The following CNTD1 variants were observed in gnomAD, a reference collection of about 807,000 sequenced individuals.
CNTD1 encodes cyclin N-terminal domain-containing protein 1.
Under a neutral mutation model 36.3 loss-of-function variants are expected in CNTD1, and 17 were observed. The ratio of observed to expected loss-of-function variants is 0.47; its 90% confidence interval spans 0.32 to 0.70. The LOEUF is 0.70. Among genes scored for constraint, CNTD1 ranks in the 30% least tolerant of loss-of-function variants. The pLI is 0.03. For synonymous variants in CNTD1, 128 were observed against 153.3 expected (o/e 0.83, Z 1.22); for missense variants, 338 against 386.1 (o/e 0.88, Z 1.04).
Position 42,806,742 on chromosome 17 carries a change from T to C in CNTD1, c.649T>C (p.Tyr217His). ...ATCLTLLDLV[Y>H]LLHEPIYESL... is the part of the protein sequence containing the mutation. ...CTGCCTGACACTGCTCGACCTGGTC[T>C]ATCTTCTGCATGAACCCATATATGA... Residue 217 changes from tyrosine (Y) to histidine (H), a missense_variant, in exon 5 of 7, where the codon TAT (tyrosine) becomes CAT (histidine). Transcript: ENST00000588408. 6.2e-7 allele frequency: 1 copy of C among 1,614,186 alleles called. No homozygotes were observed. Among genetic ancestry groups the C allele is most frequent in the South Asian group, 1.1e-5 (1 of 91,078 alleles).
At chr17:42,805,464 G>C (rs1420630068) in intron 3 of CNTD1, 1 of 284,388 alleles carries the variant, frequency 3.5e-6, no homozygotes, top group Non-Finnish European at 6.7e-6. Context: ...CCTAAGAGAA[G>C]AGGGAGAGGA....
chr17:42,810,676 A>ACATGTTTGTTTTTAATTTAATTTAAT lies in CNTD1; in HGVS notation c.*1141_*1142insCATGTTTGTTTTTAATTTAATTTAAT. On this transcript the variant is annotated 3_prime_UTR_variant, in exon 7 of 7. Coordinates refer to ENST00000588408, the MANE Select transcript of CNTD1 (RefSeq NM_173478.3). ...GTATTGTAAACATGTACTGTTTAATATTACCCGAATTTAATTTAAAACATG... is the reference window on the plus strand; with the variant it reads ...GTATTGTAAACATGTACTGTTTAATACATGTTTGTTTTTAATTTAATTTAATTTACCCGAATTTAATTTAAAACATG... 7.0e-7 allele frequency: 1 copy of ACATGTTTGTTTTTAATTTAATTTAAT among 1,426,314 alleles called. No homozygotes were observed. Among genetic ancestry groups the ACATGTTTGTTTTTAATTTAATTTAAT allele is most frequent in the East Asian group, 2.3e-5 (1 of 43,086 alleles). 88.4% of individuals were successfully genotyped at this position (1,426,314 alleles called of 1,614,324 possible).
intron 1 of CNTD1, among the ~76,000 whole-genome samples, chr17:42,801,532 TATATATATATATATA>T (rs2054791420): frequency 1.2e-5 from 1 of 81,262 alleles, no homozygotes; most frequent in Non-Finnish European, 2.3e-5. Flanking sequence ...TATATATATA[TATATATATATATATA>T]ATATATGTGT....
Position 42,804,350 on chromosome 17 carries a change from T to G in CNTD1, c.371T>G (p.Leu124Arg). 1 of 1,614,106 alleles carries G rather than the reference T, an allele frequency of 6.2e-7. No individual in the cohort carries two copies. Among genetic ancestry groups the G allele is most frequent in the Non-Finnish European group, 8.5e-7 (1 of 1,180,002 alleles). The stretch of plus-strand genomic sequence containing the variant: ...CTTGTCAACAAGTTTACTCTCCGTC[T>G]TGTGTCATGTGTTCAGCTGGCCAGC... ...QQLVNKFTLRLVSCVQLASKL... is the reference protein window; with the variant it reads ...QQLVNKFTLRRVSCVQLASKL... Residue 124 changes from leucine (L) to arginine (R), a missense_variant, in exon 3 of 7, where the codon CTT (leucine) becomes CGT (arginine). Physicochemically the swap from Leu to Arg is moderately radical, Grantham distance 102 (BLOSUM62 -2). Transcript: ENST00000588408.
chr17:42,807,041 TTAATA>T (rs1254284307), intron 5 of CNTD1, among the ~76,000 whole-genome samples: 4 of 152,202 alleles, frequency 2.6e-5, no homozygotes, highest in Non-Finnish European at 4.4e-5. Flanking sequence ...ATTACTTTAA[TTAATA>T]TATTTCCTTT....
chr17:42,804,478 C>A, intron 3 of CNTD1, 82 bp downstream of exon 3: 2 of 1,121,788 alleles, frequency 1.8e-6, no homozygotes, highest in Non-Finnish European at 2.6e-6. Context: ...TGATGAGCTT[C>A]AAGTCAGTGA....
At chr17:42,803,485 T>C (rs750470895) in intron 1 of CNTD1, 135 bp from the exon 2 acceptor site, 7 of 656,340 alleles carry the variant, frequency 1.1e-5, no homozygotes, top group Non-Finnish European at 1.4e-5. Context: ...TCAGCTTTGG[T>C]TGTTTTAGTC....
At position 42,809,705 on chromosome 17, in the gene CNTD1, C is replaced by A; in HGVS notation, c.*170C>A. ...ATCAGAGAGAGTTAAGGTGGACGAG[C>A]ATGCCCTTTTTGTCATATCAGCCTG... On this transcript the variant is annotated 3_prime_UTR_variant, in exon 7 of 7. Transcript: ENST00000588408. 1.7e-6 allele frequency: 1 copy of A among 592,048 alleles called. No homozygotes were observed. The highest frequency in any genetic ancestry group is 2.9e-6 in the Non-Finnish European group (1 of 350,864). The allele number at this position is 592,048 out of a possible 1,614,324, so 36.7% of individuals were successfully genotyped here. A position where few individuals can be genotyped will look rare whatever the true frequency, so the allele number is the denominator to read the frequency against.
At position 42,810,984 on chromosome 17, in the gene CNTD1, C is replaced by T. The variant is rs1046071039; in HGVS notation, c.*1449C>T. The T allele has an allele frequency of 6.8e-6, 10 of 1,474,060 alleles. No homozygotes were observed. Among genetic ancestry groups the T allele is most frequent in the African/African-American group, 2.8e-5 (2 of 70,392 alleles). The allele number at this position is 1,474,060 out of a possible 1,614,324, so 91.3% of individuals were successfully genotyped here. Reference sequence around the variant, plus strand: ...AACTGAGATCTGAGTTAAGTAAGTTCGGGGCAGGGACTTGATCATGGGACC... The same window carrying T: ...AACTGAGATCTGAGTTAAGTAAGTTTGGGGCAGGGACTTGATCATGGGACC... On this transcript the variant is annotated 3_prime_UTR_variant, in exon 7 of 7. Transcript: ENST00000588408.
Position 42,804,080 on chromosome 17 carries a change from C to G in CNTD1, c.246-145C>G, listed in dbSNP as rs1278661498. 3 of 661,216 alleles carry G rather than the reference C, an allele frequency of 4.5e-6. No homozygotes were observed. In the African/African-American group the frequency reaches 5.5e-5, roughly 12 times the overall value. 41.0% of individuals were successfully genotyped at this position (661,216 alleles called of 1,614,324 possible). On this transcript the variant is annotated intron_variant, in intron 2 of 6. Coordinates refer to ENST00000588408, the MANE Select transcript of CNTD1 (RefSeq NM_173478.3). ...TCTTGAACTCCTGGGCTCAAGTCAT[C>G]TGCCTGCCTTGGCCTCCCAAAGTGC...
chr17:42,802,056 G>A (rs1333139135), intron 1 of CNTD1, among the ~76,000 whole-genome samples: 1 of 152,150 alleles, frequency 6.6e-6, no homozygotes, highest in Admixed American at 6.6e-5. Flanking sequence ...CCAACAGATA[G>A]AAAATTAGGA....
At position 42,807,790 on chromosome 17, in the gene CNTD1, G is replaced by A. The variant is rs1334467220; in HGVS notation, c.748G>A (p.Glu250Lys). 6.2e-7 allele frequency: 1 copy of A among 1,613,952 alleles called. No homozygotes were observed. The highest frequency in any genetic ancestry group is 2.2e-5 in the East Asian group (1 of 44,876). Residue 250 changes from glutamate to lysine, a missense_variant, in exon 6 of 7, where the codon GAA (glutamate) becomes AAA (lysine). Transcript: ENST00000588408. ...LQGEKFTSVK[E>K]DFMLLAVGII... ...CAGGGAAAAGTTTACTTCAGTGAAG[G>A]AAGACTTCATGCTGTTGGCAGTAGG...
At chr17:42,804,614 C>T (rs932546404) in intron 3 of CNTD1, among the ~76,000 whole-genome samples, 6 of 152,130 alleles carry the variant, frequency 3.9e-5, no homozygotes, top group African/African-American at 1.4e-4. Flanking sequence ...TCAAGACCAG[C>T]CTTGCCAACA....
chr17:42,806,813 G>C lies in CNTD1; in HGVS notation c.720G>C (p.Leu240=). The change falls in exon 5 of 7, where the codon CTG becomes CTC. Residue 240 remains leucine (L), a synonymous_variant. Transcript: ENST00000588408. ...TTGAGAACTCCACTCCCAGTCAGCT[G>C]CAAGGGTAAGACAACTCCTATAGGG... ...ASIENSTPSQ[L]QGEKFTSVKE... 6.2e-7 allele frequency: 1 copy of C among 1,614,056 alleles called. No individual in the cohort carries two copies. The highest frequency in any genetic ancestry group is 8.5e-7 in the Non-Finnish European group (1 of 1,179,990).
intron 1 of CNTD1, among the ~76,000 whole-genome samples, chr17:42,800,735 T>C (rs1393766445): frequency 6.6e-6 from 1 of 152,020 alleles, no homozygotes; most frequent in Non-Finnish European, 1.5e-5. Flanking sequence ...GGCTAGGTGA[T>C]AGGGCAGAGG....
chr17:42,801,826 A>G (rs2054801508), intron 1 of CNTD1, among the ~76,000 whole-genome samples: 1 of 152,018 alleles, frequency 6.6e-6, no homozygotes, highest in Non-Finnish European at 1.5e-5. Context: ...AGGGAATTGG[A>G]GTAAGAAGAC....
At chr17:42,804,460 G>C (rs1003957422) in intron 3 of CNTD1, 64 bp downstream of exon 3, 13 of 1,406,644 alleles carry the variant, frequency 9.2e-6, no homozygotes, top group Middle Eastern at 1.8e-4. Context: ...TTATACAAAG[G>C]GGGGCTGTGA....
chr17:42,805,392 T>G, intron 3 of CNTD1: 2 of 204,526 alleles, frequency 9.8e-6, no homozygotes, highest in African/African-American at 2.4e-5. Context: ...CCTTGGAGAG[T>G]CAAGGAAGTG....
chr17:42,806,986 G>A (rs1314452778), intron 5 of CNTD1, among the ~76,000 whole-genome samples, 168 bp downstream of exon 5: 2 of 152,168 alleles, frequency 1.3e-5, no homozygotes, highest in African/African-American at 2.4e-5. Flanking sequence ...GCAGGTGACT[G>A]AGCCTGGTCA....
Sources: allele counts gnomAD v4.1 joint callset (sites outside exome capture counted in the v4.1 genomes callset), GRCh38; gene constraint gnomAD v4.1.1; transcripts MANE v1.5; gene names NCBI Gene and HGNC (gene_info 2026-07-23, HGNC 2026-07-21).